The following SLC25A21 variants were observed in gnomAD, a reference collection of about 807,000 sequenced individuals.
SLC25A21 encodes the protein mitochondrial 2-oxodicarboxylate carrier.
SLC25A21 carries 47 observed loss-of-function variants against 43.8 expected under a neutral mutation model. The observed-to-expected ratio is 1.07, with a 90% CI of 0.85 to 1.37. The LOEUF is 1.37. Among genes scored for constraint, SLC25A21 ranks in the 40% most tolerant of loss-of-function variants. The pLI, the probability that SLC25A21 is intolerant of heterozygous loss-of-function variation, is 0.00. For synonymous variants in SLC25A21, 131 were observed against 121.3 expected (o/e 1.08, Z -0.52); for missense variants, 352 against 350.2 (o/e 1.00, Z -0.04).
At chr14:36,972,262 A>G (rs1459226091) in intron 1 of SLC25A21, among the ~76,000 whole-genome samples, 5 of 152,156 alleles carry the variant, frequency 3.3e-5, no homozygotes, top group Non-Finnish European at 7.3e-5. Context: ...AGTACCCTCT[A>G]TGATGTGTGT....
At chr14:36,992,219 G>A (rs936315987) in intron 1 of SLC25A21, among the ~76,000 whole-genome samples, 8 of 152,212 alleles carry the variant, frequency 5.3e-5, no homozygotes, top group African/African-American at 1.9e-4. Context: ...GGACAGATTA[G>A]AGATGTCATA....
intron 1 of SLC25A21, among the ~76,000 whole-genome samples, chr14:36,903,708 T>G (rs898569322): frequency 2.0e-5 from 3 of 151,066 alleles, no homozygotes; most frequent in Non-Finnish European, 4.4e-5. Context: ...CTAGATTGCT[T>G]GATAAACTAA....
At chr14:36,810,268 G>T (rs1290213220) in intron 3 of SLC25A21, among the ~76,000 whole-genome samples, 1 of 152,070 alleles carries the variant, frequency 6.6e-6, no homozygotes, top group African/African-American at 2.4e-5. Context: ...CTGTATGTTT[G>T]TTATATTATT....
At chr14:36,960,468 T>A (rs897634371) in intron 1 of SLC25A21, among the ~76,000 whole-genome samples, 4 of 152,192 alleles carry the variant, frequency 2.6e-5, no homozygotes, top group Non-Finnish European at 2.9e-5. Context: ...TTTCAAATCA[T>A]AGTAAGATTT....
chr14:36,725,720 T>C (rs745666968), intron 5 of SLC25A21, 43 bp from the exon 6 acceptor site: 12 of 1,337,698 alleles, frequency 9.0e-6, no homozygotes, highest in South Asian at 8.7e-5. Flanking sequence ...CAAGTTATCA[T>C]GTGTATGGGG....
At chr14:37,112,504 T>C (rs146378962) in intron 1 of SLC25A21, among the ~76,000 whole-genome samples, 41 of 152,316 alleles carry the variant, frequency 2.7e-4, no homozygotes, top group African/African-American at 5.1e-4. Flanking sequence ...CTTGTAATAA[T>C]AGAATATTTC....
At chr14:36,827,826 A>G (rs548552014) in intron 2 of SLC25A21, among the ~76,000 whole-genome samples, 1 of 152,338 alleles carries the variant, frequency 6.6e-6, no homozygotes, top group East Asian at 1.9e-4. Context: ...GGTTTCTGAA[A>G]ATGTTTTTAA....
At chr14:37,000,216 T>A (rs1460305067) in intron 1 of SLC25A21, among the ~76,000 whole-genome samples, 2 of 152,152 alleles carry the variant, frequency 1.3e-5, no homozygotes, top group African/African-American at 4.8e-5. Flanking sequence ...TACCTCTATA[T>A]GTATTACAAT....
chr14:37,011,254 C>T (rs1375264504), intron 1 of SLC25A21, among the ~76,000 whole-genome samples: 4 of 152,112 alleles, frequency 2.6e-5, no homozygotes, highest in Non-Finnish European at 5.9e-5. Flanking sequence ...AACTCCTGCC[C>T]TCAAGAGATC....
intron 3 of SLC25A21, among the ~76,000 whole-genome samples, chr14:36,752,459 C>T (rs1749931): frequency 0.36 from 55,297 of 152,048 alleles, 10,602 homozygotes; most frequent in South Asian, 0.53. Context: ...ATGCTCATAA[C>T]AGCATTATTC....
At chr14:36,874,389 C>G (rs1489560782) in intron 2 of SLC25A21, among the ~76,000 whole-genome samples, 1 of 152,168 alleles carries the variant, frequency 6.6e-6, no homozygotes, top group Non-Finnish European at 1.5e-5. Flanking sequence ...CATATTATAC[C>G]CCACAAAGTT....
At position 36,680,486 on chromosome 14, in the gene SLC25A21, A is replaced by T; in HGVS notation, c.*172T>A. 1.6e-6 allele frequency: 2 copies of T among 1,243,596 alleles called. No homozygotes were observed. The highest frequency in any genetic ancestry group is 2.0e-6 in the Non-Finnish European group (2 of 991,530). 77.0% of individuals were successfully genotyped at this position (1,243,596 alleles called of 1,614,324 possible). On this transcript the variant is annotated 3_prime_UTR_variant, in exon 10 of 10. Coordinates refer to ENST00000331299, the MANE Select transcript of SLC25A21 (RefSeq NM_030631.4). Reference sequence around the variant, plus strand: ...TCACAGTTTTATTTATACAGCCAAAACTATAATCTCAAGTTGCCTATAGAC... The same window carrying T: ...TCACAGTTTTATTTATACAGCCAAATCTATAATCTCAAGTTGCCTATAGAC...
chr14:36,974,426 A>G (rs1959822182), intron 1 of SLC25A21, among the ~76,000 whole-genome samples: 1 of 152,240 alleles, frequency 6.6e-6, no homozygotes, highest in South Asian at 2.1e-4. Flanking sequence ...AGAACTTGCC[A>G]TAAGAAACAG....
chr14:36,681,601 C>CA (rs1355804864), intron 9 of SLC25A21, among the ~76,000 whole-genome samples: 2 of 152,142 alleles, frequency 1.3e-5, no homozygotes, highest in African/African-American at 4.8e-5. Context: ...AAAAACATCA[C>CA]AAAATCAAAA....
At chr14:37,070,370 T>C (rs983546586) in intron 1 of SLC25A21, among the ~76,000 whole-genome samples, 1 of 152,214 alleles carries the variant, frequency 6.6e-6, no homozygotes, top group Non-Finnish European at 1.5e-5. Flanking sequence ...CTTAGGATAA[T>C]GCACTCCACA....
rs140371740 is a variant in SLC25A21, at chr14:36,907,307, G to A, written c.71-32303C>T. Reference sequence around the variant, plus strand: ...AATCAACTGCAAAAATCTGAGAAGAGGCTATGAAGTAAAGAGCATATATTT... The same window carrying A: ...AATCAACTGCAAAAATCTGAGAAGAAGCTATGAAGTAAAGAGCATATATTT... On this transcript the variant is annotated intron_variant, in intron 1 of 9. Transcript: ENST00000331299. 2.6e-5 allele frequency among the ~76,000 whole-genome samples: 4 copies of A among 152,246 alleles called. No homozygotes were observed. In the East Asian group the frequency reaches 5.8e-4, roughly 22 times the overall value.
intron 3 of SLC25A21, among the ~76,000 whole-genome samples, chr14:36,746,324 C>T (rs2139250305): frequency 1.0e-5 from 1 of 100,134 alleles, no homozygotes. Flanking sequence ...TGCCACTATC[C>T]TAAAGTGGGA....
chr14:37,020,577 T>C (rs187586908), intron 1 of SLC25A21, among the ~76,000 whole-genome samples: 6 of 152,050 alleles, frequency 3.9e-5, no homozygotes, highest in Admixed American at 3.9e-4. Context: ...GTAAAATTGA[T>C]TTTTTTCTTT....
chr14:36,813,913 C>G lies in SLC25A21; in HGVS notation c.203+5G>C. 1 of 1,566,318 alleles carries G rather than the reference C, an allele frequency of 6.4e-7. No homozygotes were observed. The highest frequency in any genetic ancestry group is 1.1e-5 in the South Asian group (1 of 87,976). The stretch of plus-strand genomic sequence containing the variant: ...TTAAAATGGCTATATGAAGAATATA[C>G]ATACCCTTCCATTTGGAAAATCATT... On this transcript the variant is annotated splice_donor_5th_base_variant and intron_variant, in intron 3 of 9. Transcript: ENST00000331299.
Sources: allele counts gnomAD v4.1 joint callset (sites outside exome capture counted in the v4.1 genomes callset), GRCh38; gene constraint gnomAD v4.1.1; transcripts MANE v1.5; gene names NCBI Gene and HGNC (gene_info 2026-07-23, HGNC 2026-07-21).